METTL22: variants seen among roughly 807,000 people sequenced by gnomAD.
The protein encoded by METTL22 is methyltransferase 22, Kin17 lysine.
A neutral mutation model predicts 48.4 loss-of-function variants in METTL22; 51 were observed. The ratio of observed to expected loss-of-function variants is 1.05; its 90% CI spans 0.84 to 1.33. The LOEUF (loss-of-function observed/expected upper bound fraction) is 1.33. METTL22 is among the 40% of genes most tolerant of loss of function. METTL22 has a pLI of 0.00. For synonymous variants in METTL22, 255 were observed against 214.1 expected, an observed-to-expected ratio of 1.19 and a Z score of -1.67; for missense variants, 678 against 526.9, an observed-to-expected ratio of 1.29 and a Z score of -2.81.
chr16:8,630,266 G>A (rs1438463827), intron 3 of METTL22, among the ~76,000 whole-genome samples: 1 of 152,154 alleles, frequency 6.6e-6, no homozygotes, highest in Non-Finnish European at 1.5e-5. Context: ...TCCCAGAGAG[G>A]GCAACGTGGA....
chr16:8,636,672 G>C (rs928234900), intron 5 of METTL22, among the ~76,000 whole-genome samples: 3 of 146,944 alleles, frequency 2.0e-5, no homozygotes, highest in African/African-American at 7.6e-5. Flanking sequence ...GCATTTGTCA[G>C]TTACACTGTG....
rs776020165 is a variant in METTL22, at chr16:8,646,105, C to T, written c.1180-3C>T. 3.0e-6 allele frequency: 4 copies of T among 1,340,782 alleles called. No homozygotes were observed. The African/African-American group carries it at 9.6e-5, about 32-fold the overall frequency. 83.1% of individuals were successfully genotyped at this position (1,340,782 alleles called of 1,614,324 possible). A position where few individuals can be genotyped will look rare whatever the true frequency, so the allele number is the denominator to read the frequency against. ...AACCTGTTCTTTTCTCTGTTTGCTG[C>T]AGGAGCTCTGGAAGATCATCGCAGA... On this transcript the variant is annotated splice_polypyrimidine_tract_variant and splice_region_variant and intron_variant, in intron 10 of 10. Transcript: ENST00000381920.
At chr16:8,633,556 T>C (rs1465399804) in intron 3 of METTL22, among the ~76,000 whole-genome samples, 4 of 152,182 alleles carry the variant, frequency 2.6e-5, no homozygotes, top group African/African-American at 9.7e-5. Context: ...CAGTGAGCCT[T>C]GGCCGTGCCA....
chr16:8,651,142 C>T (rs976013574), downstream of METTL22, among the ~76,000 whole-genome samples: 6 of 152,056 alleles, frequency 3.9e-5, no homozygotes, highest in African/African-American at 1.2e-4. Flanking sequence ...AATCCCAGCA[C>T]TTTGGGAGGC....
intron 5 of METTL22, among the ~76,000 whole-genome samples, chr16:8,638,363 G>T (rs147714469): frequency 1.3e-5 from 2 of 152,204 alleles, no homozygotes; most frequent in East Asian, 3.9e-4. Context: ...AAGACATCCT[G>T]TACTTTCTAC....
chr16:8,629,232 A>T, intron 3 of METTL22, 122 bp downstream of exon 3: 2 of 1,295,812 alleles, frequency 1.5e-6, no homozygotes, highest in Non-Finnish European at 2.1e-6. Context: ...TATGAGAACC[A>T]GCTCGGGTGA....
Position 8,635,028 on chromosome 16 carries a change from G to T in METTL22, c.515-11G>T, listed in dbSNP as rs760794415. ...ACAGTGGGCATTTCTCTTGGTTTCT[G>T]TCCCATCCAGAGCACACCATGGCCA... On this transcript the variant is annotated splice_polypyrimidine_tract_variant and intron_variant, in intron 3 of 10. Transcript: ENST00000381920. 1 of 1,613,306 alleles carries T rather than the reference G, an allele frequency of 6.2e-7. No homozygotes were observed. Among genetic ancestry groups the T allele is most frequent in the African/African-American group, 1.3e-5 (1 of 75,022 alleles).
intron 6 of METTL22, chr16:8,639,371 C>T (rs1567239247): frequency 2.2e-5 from 13 of 594,412 alleles, no homozygotes; most frequent in South Asian, 2.0e-4. Context: ...AGATCCACTG[C>T]GTCATCCTAC....
chr16:8,639,034 T>A lies in METTL22; in HGVS notation c.701-57T>A, dbSNP rs376237831. 38 of 1,551,210 alleles carry A rather than the reference T, an allele frequency of 2.4e-5. No individual in the cohort carries two copies. In the Middle Eastern group the frequency reaches 5.0e-4, roughly 20 times the overall value. On this transcript the variant is annotated intron_variant, in intron 5 of 10. Coordinates refer to ENST00000381920, the MANE Select transcript of METTL22 (RefSeq NM_024109.4). ...CACAGCTCTCTCTAGGCAAAAAACA[T>A]GGAGATAAAAGTGTCGTAGTGGCTG...
the METTL22 span, among the ~76,000 whole-genome samples, chr16:8,660,410 C>A: frequency 6.6e-6 from 1 of 152,078 alleles, no homozygotes; most frequent in African/African-American, 2.4e-5. Flanking sequence ...AACTCCTGAC[C>A]TCAAGTGATC....
At chr16:8,663,464 A>G in the METTL22 span, among the ~76,000 whole-genome samples, 24 of 151,904 alleles carry the variant, frequency 1.6e-4, no homozygotes, top group Admixed American at 2.6e-4. Flanking sequence ...CGTCCCTGAA[A>G]GGTTTCTATG....
intron 3 of METTL22, among the ~76,000 whole-genome samples, chr16:8,632,834 G>T (rs1567232847): frequency 6.6e-6 from 1 of 152,194 alleles, no homozygotes; most frequent in Non-Finnish European, 1.5e-5. Flanking sequence ...TGACCTCAGA[G>T]TCCTCATTCT....
downstream of METTL22, among the ~76,000 whole-genome samples, chr16:8,653,359 G>C (rs529615315): frequency 9.2e-5 from 14 of 152,314 alleles, no homozygotes; most frequent in African/African-American, 3.1e-4. Context: ...CTATGGAGTT[G>C]GGTGATGTCA....
intron 10 of METTL22, 51 bp downstream of exon 10, chr16:8,644,776 G>A (rs758898773): frequency 2.7e-6 from 4 of 1,482,144 alleles, no homozygotes; most frequent in Non-Finnish European, 3.6e-6. Context: ...TGTGAAGCGG[G>A]TGACTCCAGG....
At chr16:8,649,937 C>G (rs1344423069), downstream of METTL22, among the ~76,000 whole-genome samples, 2 of 152,202 alleles carry the variant, frequency 1.3e-5, no homozygotes, top group South Asian at 2.1e-4. Flanking sequence ...TGGCCTGATG[C>G]TGCAGTTTAA....
downstream of METTL22, among the ~76,000 whole-genome samples, chr16:8,654,282 C>G (rs2056935003): frequency 6.6e-6 from 1 of 152,146 alleles, no homozygotes; most frequent in Non-Finnish European, 1.5e-5. Flanking sequence ...AAGAATTTAT[C>G]CCCCAGGCTC....
chr16:8,630,377 T>C (rs2056215887), intron 3 of METTL22, among the ~76,000 whole-genome samples: 1 of 152,176 alleles, frequency 6.6e-6, no homozygotes, highest in African/African-American at 2.4e-5. Context: ...AGGAAGAGAC[T>C]GAGGCTCAGC....
At chr16:8,659,923 A>G in the METTL22 span, among the ~76,000 whole-genome samples, 4 of 151,970 alleles carry the variant, frequency 2.6e-5, no homozygotes, top group East Asian at 7.7e-4. Flanking sequence ...ACGGGGTCTC[A>G]CTATGTTGCC....
rs774162375 is a variant in METTL22 at position 8,644,740 on chromosome 16, C to T, written c.1179+15C>T. 1.4e-5 allele frequency: 22 copies of T among 1,541,956 alleles called. No individual in the cohort carries two copies. The South Asian group carries it at 2.2e-4, about 15-fold the overall frequency. ...TCCAGCAACTGGTAGGTCCAGGCCC[C>T]GAAGCAGGGCCGTTGGTTGCTTTAC... On this transcript the variant is annotated intron_variant, in intron 10 of 10. Coordinates refer to ENST00000381920, the MANE Select transcript of METTL22 (RefSeq NM_024109.4).
Sources: gnomAD v4.1 joint callset for allele counts (sites outside exome capture counted in the v4.1 genomes callset) on GRCh38, gnomAD v4.1.1 for gene constraint, MANE v1.5 for transcripts, NCBI Gene and HGNC (gene_info 2026-07-23, HGNC 2026-07-21) for gene names.